The following DPP10 variants were observed in gnomAD, a reference collection of about 807,000 sequenced individuals.
DPP10 encodes the protein inactive dipeptidyl peptidase 10.
Under a neutral mutation model 120.9 loss-of-function variants are expected in DPP10, and 33 were observed. The observed-to-expected ratio is 0.27, with a 90% confidence interval of 0.21 to 0.37. The LOEUF (loss-of-function observed/expected upper bound fraction) is 0.37, where lower values mean the gene tolerates loss of function less well. Ranked by LOEUF, DPP10 falls within the 10% of genes least tolerant of loss-of-function variation. DPP10 has a pLI of 1.00. For synonymous variants in DPP10, 337 were observed against 326.1 expected, an observed-to-expected ratio of 1.03 and a Z score of -0.36; for missense variants, 816 against 942.8, an observed-to-expected ratio of 0.87 and a Z score of 1.76.
rs550741350 is a variant in DPP10, at chr2:115,807,751, T to G, written c.1701-7042T>G. ...CTAGGGGAGAGATCCAAAAAAAGAT[T>G]CAATTTTATTAATGCAAAATACCCA... On this transcript the variant is annotated intron_variant, in intron 19 of 25. Coordinates refer to ENST00000410059, the MANE Select transcript of DPP10 (RefSeq NM_020868.6). Among the ~76,000 whole-genome samples the G allele has an allele frequency of 2.1e-3, 314 of 150,654 alleles. 1 individual carries two copies. The highest frequency in any genetic ancestry group is 7.3e-3 in the African/African-American group (299 of 40,970).
At chr2:115,453,987 T>C (rs1558684156) in intron 3 of DPP10, among the ~76,000 whole-genome samples, 1 of 151,294 alleles carries the variant, frequency 6.6e-6, no homozygotes, top group Admixed American at 6.6e-5. Flanking sequence ...CTAGCAAAAA[T>C]GGATAAAGTC....
At chr2:115,012,492 G>T (rs945708577) in intron 1 of DPP10, among the ~76,000 whole-genome samples, 2 of 152,188 alleles carry the variant, frequency 1.3e-5, no homozygotes, top group Non-Finnish European at 2.9e-5. Flanking sequence ...AGACCTGAAG[G>T]TGGATCACAT....
At chr2:114,957,628 A>C (rs1698311222) in intron 1 of DPP10, among the ~76,000 whole-genome samples, 1 of 152,244 alleles carries the variant, frequency 6.6e-6, no homozygotes, top group Non-Finnish European at 1.5e-5. Flanking sequence ...AGTATGTTGA[A>C]GAAATGCCTA....
chr2:114,978,390 T>C (rs1699881749), intron 1 of DPP10, among the ~76,000 whole-genome samples: 1 of 152,168 alleles, frequency 6.6e-6, no homozygotes, highest in Admixed American at 6.6e-5. Flanking sequence ...GTACCACACT[T>C]TGAAAAGCTC....
intron 1 of DPP10, among the ~76,000 whole-genome samples, chr2:115,283,717 G>A (rs781617355): frequency 2.0e-5 from 3 of 152,046 alleles, no homozygotes; most frequent in Non-Finnish European, 4.4e-5. Flanking sequence ...CCCTGAGTAT[G>A]TATGTAGTCA....
intron 1 of DPP10, among the ~76,000 whole-genome samples, chr2:114,708,972 T>A (rs1037904074): frequency 3.9e-5 from 6 of 152,166 alleles, no homozygotes; most frequent in Non-Finnish European, 7.3e-5. Flanking sequence ...ACCAGGCTGA[T>A]CTCGAACTCC....
At chr2:115,620,972 A>G (rs2084903285) in intron 5 of DPP10, among the ~76,000 whole-genome samples, 1 of 152,192 alleles carries the variant, frequency 6.6e-6, no homozygotes, top group African/African-American at 2.4e-5. Context: ...AAAAACCTCC[A>G]GAGACTTCAA....
At position 114,640,081 on chromosome 2, in the gene DPP10, A is replaced by G. The variant is rs138763738; in HGVS notation, c.60+197243A>G. 1.3e-4 allele frequency among the ~76,000 whole-genome samples: 20 copies of G among 152,122 alleles called. No individual in the cohort carries two copies. The East Asian group carries it at 3.7e-3, about 28-fold the overall frequency. On this transcript the variant is annotated intron_variant, in intron 1 of 25. Transcript: ENST00000410059. ...AACATTGGATTGTGCAAAATGGAAC[A>G]TTTCAGCTGCTATTTCTATCACTAG...
intron 1 of DPP10, among the ~76,000 whole-genome samples, chr2:114,830,989 C>A (rs1485065188): frequency 7.3e-6 from 1 of 137,418 alleles, no homozygotes; most frequent in African/African-American, 2.7e-5. Flanking sequence ...TATTTTTCAA[C>A]CTGCAGTGGA....
chr2:114,784,946 A>G (rs1354724338), intron 1 of DPP10, among the ~76,000 whole-genome samples: 1 of 152,180 alleles, frequency 6.6e-6, no homozygotes, highest in Non-Finnish European at 1.5e-5. Flanking sequence ...TGCAATTCTT[A>G]TTCTCTTAAC....
intron 5 of DPP10, among the ~76,000 whole-genome samples, chr2:115,619,665 C>T (rs1381287526): frequency 6.6e-6 from 1 of 152,184 alleles, no homozygotes; most frequent in African/African-American, 2.4e-5. Flanking sequence ...CATACACTGT[C>T]AGGTTTTTTC....
chr2:115,393,047 T>C (rs1444554037), intron 3 of DPP10, among the ~76,000 whole-genome samples: 1 of 152,152 alleles, frequency 6.6e-6, no homozygotes, highest in Non-Finnish European at 1.5e-5. Flanking sequence ...GTGCGGTGGC[T>C]CATACCTCTA....
chr2:115,393,280 T>C (rs1320655184), intron 3 of DPP10, among the ~76,000 whole-genome samples: 1 of 149,530 alleles, frequency 6.7e-6, no homozygotes. Context: ...GCCACTGCAC[T>C]CAAGCCTGGG....
intron 5 of DPP10, among the ~76,000 whole-genome samples, chr2:115,652,205 T>A (rs868314901): frequency 1.3e-5 from 2 of 152,018 alleles, no homozygotes; most frequent in African/African-American, 4.8e-5. Context: ...ATTATACCAA[T>A]AAGTTTATGG....
chr2:115,241,982 A>C (rs1477267800), intron 1 of DPP10, among the ~76,000 whole-genome samples: 1 of 152,146 alleles, frequency 6.6e-6, no homozygotes, highest in African/African-American at 2.4e-5. Context: ...ATTTTTAAAT[A>C]GTTGTTTGGT....
intron 1 of DPP10, among the ~76,000 whole-genome samples, chr2:115,245,224 C>A (rs2058479860): frequency 6.6e-6 from 1 of 151,976 alleles, no homozygotes; most frequent in Non-Finnish European, 1.5e-5. Context: ...TATTCCCCAT[C>A]TTCTTTATCT....
At chr2:115,519,325 A>G (rs1391492702) in intron 4 of DPP10, among the ~76,000 whole-genome samples, 1 of 152,200 alleles carries the variant, frequency 6.6e-6, no homozygotes, top group African/African-American at 2.4e-5. Flanking sequence ...TATTGATTCA[A>G]TACTCATAAA....
intron 1 of DPP10, among the ~76,000 whole-genome samples, chr2:114,451,323 A>G (rs1678263580): frequency 6.6e-6 from 1 of 152,158 alleles, no homozygotes; most frequent in South Asian, 2.1e-4. Context: ...ACAGTCATTC[A>G]ATATTTCATG....
intron 3 of DPP10, among the ~76,000 whole-genome samples, chr2:115,429,208 T>C (rs900448881): frequency 2.1e-5 from 3 of 141,372 alleles, no homozygotes; most frequent in Non-Finnish European, 4.6e-5. Flanking sequence ...TCCTAAGCTT[T>C]TCTTACTAGT....
Sources: allele counts gnomAD v4.1 joint callset (sites outside exome capture counted in the v4.1 genomes callset), GRCh38; gene constraint gnomAD v4.1.1; transcripts MANE v1.5; gene names NCBI Gene and HGNC (gene_info 2026-07-23, HGNC 2026-07-21).